The following RPS29 variants were observed in gnomAD, a reference collection of about 807,000 sequenced individuals.
The protein encoded by RPS29 is ribosomal protein S29.
For synonymous variants in RPS29, 37 were observed against 26.9 expected (o/e 1.37, Z -1.16); for missense variants, 60 against 75.7 (o/e 0.79, Z 0.77).
chr14:49,596,536 G>A (rs1435902407), intron 1 of RPS29, among the ~76,000 whole-genome samples: 2 of 152,272 alleles, frequency 1.3e-5, no homozygotes, highest in East Asian at 3.9e-4. Context: ...GGACAAAGGG[G>A]AGGATGTGGA....
exon 3 of RPS29, chr14:49,574,254 T>G (rs1487677753): frequency 1.3e-5 from 2 of 152,228 alleles, no homozygotes; most frequent in Non-Finnish European, 2.9e-5. Context: ...GTTTACACGG[T>G]CAGCATAATT....
At chr14:49,587,745 A>T (rs562701545), upstream of RPS29, among the ~76,000 whole-genome samples, 1 of 152,356 alleles carries the variant, frequency 6.6e-6, no homozygotes, top group East Asian at 1.9e-4. Flanking sequence ...TCTGTATTAA[A>T]TCATGGGTGT....
At chr14:49,577,826 A>G in exon 3 of RPS29, 3 of 1,602,354 alleles carry the variant, frequency 1.9e-6, no homozygotes, top group Middle Eastern at 3.3e-4. Flanking sequence ...CTCCATAGGC[A>G]GTGCCAAGGA....
At chr14:49,575,137 T>C (rs969715717) in exon 3 of RPS29, 3 of 152,274 alleles carry the variant, frequency 2.0e-5, no homozygotes, top group African/African-American at 7.2e-5. Context: ...GCCTCCCGGG[T>C]TCACGCCATT....
Position 49,593,692 on chromosome 14 carries a change from CAAAAAA to C in RPS29, c.-133+4702_-133+4707del, listed in dbSNP as rs10647593. Among the ~76,000 whole-genome samples the C allele has an allele frequency of 1.5e-3, 87 of 56,306 alleles. 1 individual carries two copies. Among genetic ancestry groups the C allele is most frequent in the South Asian group, 8.1e-3 (7 of 862 alleles). 36.9% of individuals were successfully genotyped at this position (56,306 alleles called of 152,430 possible). A position where few individuals can be genotyped will look rare whatever the true frequency, so the allele number is the denominator to read the frequency against. On this transcript the variant is annotated intron_variant, in intron 1 of 3. Transcript: ENST00000556230. ...TGGGCGACAGAGCAAGACTCTGTCT[CAAAAAA>C]AAAAAAAAAAAAAAAAAAGACGTTT...
At chr14:49,586,476 T>C, upstream of RPS29, 1 of 793,784 alleles carries the variant, frequency 1.3e-6, no homozygotes, top group Non-Finnish European at 2.2e-6. Flanking sequence ...TCAGGTTGTT[T>C]CGCTGGGTGA....
chr14:49,571,391 G>C (rs1392996747), exon 3 of RPS29: 1 of 152,146 alleles, frequency 6.6e-6, no homozygotes, highest in East Asian at 1.9e-4. Flanking sequence ...ACTGGCTTTT[G>C]TCTCTGGTTC....
At chr14:49,592,864 C>A (rs1014373353) in intron 1 of RPS29, among the ~76,000 whole-genome samples, 1 of 151,512 alleles carries the variant, frequency 6.6e-6, no homozygotes, top group Non-Finnish European at 1.5e-5. Context: ...GCCGAGATTG[C>A]GCCACTGCAC....
chr14:49,588,876 C>CTTTTTTT (rs577408713), upstream of RPS29, among the ~76,000 whole-genome samples: 3 of 92,466 alleles, frequency 3.2e-5, no homozygotes, highest in Non-Finnish European at 4.5e-5. Context: ...TTTCTGAGTC[C>CTTTTTTT]TTTTTTTTTT....
upstream of RPS29, among the ~76,000 whole-genome samples, chr14:49,590,336 C>T (rs1377527481): frequency 6.6e-6 from 1 of 152,016 alleles, no homozygotes; most frequent in African/African-American, 2.4e-5. Flanking sequence ...ATTAGCCAGG[C>T]ATGGTGGCGG....
chr14:49,572,328 G>A (rs1159185676), exon 3 of RPS29: 1 of 152,162 alleles, frequency 6.6e-6, no homozygotes, highest in Non-Finnish European at 1.5e-5. Flanking sequence ...ACCTCGTTTG[G>A]GATCATGCCC....
chr14:49,579,905 ATTAC>A (rs1881288678), downstream of RPS29, among the ~76,000 whole-genome samples: 1 of 152,170 alleles, frequency 6.6e-6, no homozygotes, highest in Non-Finnish European at 1.5e-5. Context: ...CCTTGGGGAA[ATTAC>A]TTAATCTCTA....
exon 3 of RPS29, chr14:49,571,301 T>A (rs1279804435): frequency 6.6e-6 from 1 of 152,188 alleles, no homozygotes; most frequent in Non-Finnish European, 1.5e-5. Context: ...ATTGGCAAGT[T>A]CAATAGACTT....
At chr14:49,597,666 T>G (rs1434930633) in intron 1 of RPS29, 1 of 151,758 alleles carries the variant, frequency 6.6e-6, no homozygotes, top group African/African-American at 2.4e-5. Context: ...TTTCTTTTTT[T>G]TTTTTGAGAC....
At chr14:49,591,707 G>A (rs371044196) in intron 1 of RPS29, among the ~76,000 whole-genome samples, 1 of 140,234 alleles carries the variant, frequency 7.1e-6, no homozygotes, top group African/African-American at 2.7e-5. Context: ...TGCAACCTCT[G>A]CTTCCCGGGT....
chr14:49,578,503 T>C (rs1348369778), intron 2 of RPS29, among the ~76,000 whole-genome samples: 1 of 148,578 alleles, frequency 6.7e-6, no homozygotes, highest in Admixed American at 6.7e-5. Context: ...TCACTTTTTA[T>C]AAAAAAAATT....
chr14:49,577,937 C>T, intron 2 of RPS29: 1 of 923,332 alleles, frequency 1.1e-6, no homozygotes. Flanking sequence ...GCATGCCTGC[C>T]CTGTGAAACA....
At chr14:49,580,391 C>T (rs1881300495), downstream of RPS29, among the ~76,000 whole-genome samples, 1 of 152,164 alleles carries the variant, frequency 6.6e-6, no homozygotes, top group African/African-American at 2.4e-5. Flanking sequence ...CTTACCCAGA[C>T]TGAAACCTGG....
exon 3 of RPS29, chr14:49,575,785 G>C (rs1881163953): frequency 6.6e-6 from 1 of 152,192 alleles, no homozygotes; most frequent in African/African-American, 2.4e-5. Context: ...AGGAGGTTGA[G>C]GTTGCAATAA....
Sources: gnomAD v4.1 joint callset for allele counts (sites outside exome capture counted in the v4.1 genomes callset) on GRCh38, gnomAD v4.1.1 for gene constraint, MANE v1.5 for transcripts, NCBI Gene and HGNC (gene_info 2026-07-23, HGNC 2026-07-21) for gene names.